The following PTGS2 variants were observed in gnomAD, a reference collection of about 807,000 sequenced individuals.
PTGS2 encodes prostaglandin-endoperoxide synthase 2, also known as prostaglandin G/H synthase 2.
A neutral mutation model predicts 63.8 loss-of-function variants in PTGS2; 14 were observed. The observed-to-expected ratio is 0.22, with a 90% CI of 0.14 to 0.34. The LOEUF is 0.34. Among genes scored for constraint, PTGS2 ranks in the 10% least tolerant of loss-of-function variants. The pLI, the probability that PTGS2 is intolerant of heterozygous loss-of-function variation, is 1.00. For missense variants in PTGS2, 533 were observed against 738.5 expected, an observed-to-expected ratio of 0.72 and a Z score of 3.23; for synonymous variants, 271 against 259.5, an observed-to-expected ratio of 1.04 and a Z score of -0.43.
chr1:186,678,426 AT>A (rs760881152), intron 3 of PTGS2, 22 bp from the exon 4 acceptor site: 2 of 1,572,578 alleles, frequency 1.3e-6, no homozygotes, highest in African/African-American at 1.4e-5. Flanking sequence ...AAAGAAAAAA[AT>A]GTTTTATTTA....
In PTGS2 at chr1:186,671,993, TTA is replaced by T. The variant is rs1665696530; in HGVS notation, c.*2358_*2359del. On this transcript the variant is annotated 3_prime_UTR_variant, in exon 10 of 10. Transcript: ENST00000367468. ...GTTAATAACAAATCAAGTTTTTTTT[TTA>T]AAAAAAACAGTGAACAGTGTTTTAT... 6.6e-6 allele frequency: 1 copy of T among 151,898 alleles called. No homozygotes were observed. The highest frequency in any genetic ancestry group is 2.1e-4 in the South Asian group (1 of 4,826). 9.4% of individuals were successfully genotyped at this position (151,898 alleles called of 1,614,324 possible). A position where few individuals can be genotyped will look rare whatever the true frequency, so the allele number is the denominator to read the frequency against.
intron 4 of PTGS2, 104 bp downstream of exon 4, chr1:186,678,157 C>T (rs895657648): frequency 1.6e-6 from 2 of 1,227,108 alleles, no homozygotes; most frequent in Non-Finnish European, 2.2e-6. Flanking sequence ...GTAAAAACTG[C>T]TTTTGTTAAT....
intron 1 of PTGS2, 110 bp downstream of exon 1, chr1:186,680,129 C>T (rs1045995968): frequency 5.4e-6 from 8 of 1,484,700 alleles, no homozygotes; most frequent in African/African-American, 2.8e-5. Context: ...CACGTAGCTT[C>T]TCTATTCGGA....
chr1:186,674,805 T>C, intron 9 of PTGS2, 43 bp from the exon 10 acceptor site: 1 of 1,530,614 alleles, frequency 6.5e-7, no homozygotes, highest in Non-Finnish European at 8.8e-7. Flanking sequence ...ATGTCAAACT[T>C]CACAAAATAA....
Position 186,679,365 on chromosome 1 carries a change from G to A in PTGS2, c.126C>T (p.Cys42=), listed in dbSNP as rs200215667. Reference sequence around the variant, plus strand: ...CATAGAATCCTGTCCGGGTACAATCGCACTTATACTGGTCAAATCCCACAC... The same window carrying A: ...CATAGAATCCTGTCCGGGTACAATCACACTTATACTGGTCAAATCCCACAC... ...CMSVGFDQYK[C]DCTRTGFYGE... The change falls in exon 2 of 10, where the codon TGC becomes TGT. Residue 42 remains cysteine (C), a synonymous_variant. Coordinates refer to ENST00000367468, the MANE Select transcript of PTGS2 (RefSeq NM_000963.4). 4.9e-5 allele frequency: 79 copies of A among 1,613,954 alleles called. No individual in the cohort carries two copies. The highest frequency in any genetic ancestry group is 3.2e-4 in the South Asian group (29 of 91,080).
intron 9 of PTGS2, among the ~76,000 whole-genome samples, chr1:186,674,994 C>T (rs1665754556): frequency 6.6e-6 from 1 of 152,120 alleles, no homozygotes. Flanking sequence ...CTGGCTAACA[C>T]GGTGAAACCC....
At position 186,679,131 on chromosome 1, in the gene PTGS2, G is replaced by T; in HGVS notation, c.240C>A (p.His80Gln). The change falls in exon 3 of 10, where the codon CAC (histidine) becomes CAA (glutamine). Residue 80 changes from histidine (H) to glutamine (Q), a missense_variant. Physicochemically the swap from His to Gln is conservative, Grantham distance 24 (BLOSUM62 0). Around this residue, in one of 5 missense-constraint regions of PTGS2, gnomAD observed 118 missense variants for 144.6 expected, o/e 0.82. Coordinates refer to ENST00000367468, the MANE Select transcript of PTGS2 (RefSeq NM_000963.4). ...TPNTVHYILT[H>Q]FKGFWNVVNN... ...TCACAACGTTCCAAAATCCCTTGAA[G>T]TGGGTAAGTATGTAGTGCACTGTGT... 1.2e-6 allele frequency: 2 copies of T among 1,614,134 alleles called. No individual in the cohort carries two copies. Among genetic ancestry groups the T allele is most frequent in the Non-Finnish European group, 1.7e-6 (2 of 1,179,996 alleles).
chr1:186,675,805 TC>T, intron 8 of PTGS2, 92 bp downstream of exon 8: 1 of 1,257,830 alleles, frequency 8.0e-7, no homozygotes, highest in Non-Finnish European at 1.1e-6. Context: ...AACTAACTAC[TC>T]TTTTAGTAAG....
chr1:186,679,035 C>T lies in PTGS2; in HGVS notation c.313+23G>A, dbSNP rs201529345. The T allele has an allele frequency of 3.7e-6, 6 of 1,602,412 alleles. No individual in the cohort carries two copies. In the Admixed American group the frequency reaches 5.2e-5, roughly 14 times the overall value. The stretch of plus-strand genomic sequence containing the variant: ...ATTTTTCTTTGAGAAGGCTAAAAAC[C>T]TTAGAAAGACACTTGTACTTACATG... On this transcript the variant is annotated intron_variant, in intron 3 of 9. Coordinates refer to ENST00000367468, the MANE Select transcript of PTGS2 (RefSeq NM_000963.4).
In PTGS2 at chr1:186,674,284, T is replaced by A; in HGVS notation, c.*69A>T. On this transcript the variant is annotated 3_prime_UTR_variant, in exon 10 of 10. Coordinates refer to ENST00000367468, the MANE Select transcript of PTGS2 (RefSeq NM_000963.4). ...GTTAAGTAACATAAGGAGTTTAATA[T>A]AAATATTATTAAATAATTAAATTAA... 1 of 988,114 alleles carries A rather than the reference T, an allele frequency of 1.0e-6. No individual in the cohort carries two copies. Among genetic ancestry groups the A allele is most frequent in the Non-Finnish European group, 1.3e-6 (1 of 752,446 alleles). The allele number at this position is 988,114 out of a possible 1,614,324, so 61.2% of individuals were successfully genotyped here.
intron 2 of PTGS2, 21 bp downstream of exon 2, chr1:186,679,301 G>A: frequency 1.9e-6 from 3 of 1,613,550 alleles, no homozygotes; most frequent in Admixed American, 1.7e-5. Flanking sequence ...TCCTAATGAG[G>A]CAACCAAAGG....
rs1417541080 is a variant in PTGS2, at chr1:186,673,066, CTG to C, written c.*1285_*1286del. 1.3e-5 allele frequency: 2 copies of C among 152,050 alleles called. No individual in the cohort carries two copies. The highest frequency in any genetic ancestry group is 1.3e-4 in the Admixed American group (2 of 15,260). 9.4% of individuals were successfully genotyped at this position (152,050 alleles called of 1,614,324 possible). On this transcript the variant is annotated 3_prime_UTR_variant, in exon 10 of 10. Transcript: ENST00000367468. ...TAGGAGAAACGAAGTGATGAGAAGACTGTGTCTCTTAGCAAAATGGCTAAAAG... is the reference window on the plus strand; with the variant it reads ...TAGGAGAAACGAAGTGATGAGAAGACTGTCTCTTAGCAAAATGGCTAAAAG...
intron 8 of PTGS2, 178 bp from the exon 9 acceptor site, chr1:186,675,574 AC>A: frequency 1.4e-6 from 1 of 739,820 alleles, no homozygotes; most frequent in Non-Finnish European, 2.1e-6. Flanking sequence ...TCAATGGGAC[AC>A]CAGCCTAGAA....
intron 7 of PTGS2, 83 bp downstream of exon 7, chr1:186,676,384 G>A (rs1665781395): frequency 6.5e-7 from 1 of 1,530,076 alleles, no homozygotes; most frequent in Non-Finnish European, 8.9e-7. Context: ...ACCACATCTT[G>A]TCATTTACTC....
In PTGS2 at chr1:186,675,930, C is replaced by A; in HGVS notation, c.1225G>T (p.Val409Phe). The change falls in exon 8 of 10, where the codon GTT becomes TTT. Residue 409 changes from valine to phenylalanine, a missense_variant. Transcript: ENST00000367468. ...GCAATTTGCCTGGTGAATGATTCAA[C>A]AAACTGGGTAATTCCATGTTCCAGC... ...ILLEHGITQFVESFTRQIAGR... is the reference protein window; with the variant it reads ...ILLEHGITQFFESFTRQIAGR... The A allele has an allele frequency of 6.2e-7, 1 of 1,612,920 alleles. No homozygotes were observed. The highest frequency in any genetic ancestry group is 8.5e-7 in the Non-Finnish European group (1 of 1,179,178).
intron 1 of PTGS2, among the ~76,000 whole-genome samples, chr1:186,679,749 A>C (rs910397728): frequency 6.6e-5 from 10 of 152,326 alleles, no homozygotes; most frequent in Non-Finnish European, 1.5e-4. Context: ...TTTCCAAATT[A>C]AAATGGATCT....
intron 3 of PTGS2, 108 bp from the exon 4 acceptor site, chr1:186,678,512 C>A: frequency 9.6e-7 from 1 of 1,039,754 alleles, no homozygotes; most frequent in Non-Finnish European, 1.3e-6. Flanking sequence ...TTGAATGTAA[C>A]TCCAAAATAA....
rs1009145607 is a variant in PTGS2, at chr1:186,679,465, C to A, written c.53-27G>T. 5 of 1,475,868 alleles carry A rather than the reference C, an allele frequency of 3.4e-6. No homozygotes were observed. The South Asian group carries it at 5.7e-5, about 17-fold the overall frequency. 91.4% of individuals were successfully genotyped at this position (1,475,868 alleles called of 1,614,324 possible). On this transcript the variant is annotated intron_variant, in intron 1 of 9. Transcript: ENST00000367468. ...TGCAATTAAAGGACAGCAAATAAAT[C>A]ATTCTCTAGTGTCTTAATCTTAATT...
Position 186,680,236 on chromosome 1 carries a change from C to A in PTGS2, c.52+3G>T, listed in dbSNP as rs201807501. On this transcript the variant is annotated splice_donor_region_variant and intron_variant, in intron 1 of 9. Transcript: ENST00000367468. ...TCCCCGGTGCGCGGCGCCAGGTACT[C>A]ACCTGTATGGCTGAGCGCCAGGACC... 2.5e-5 allele frequency: 39 copies of A among 1,549,402 alleles called. No homozygotes were observed. The highest frequency in any genetic ancestry group is 1.4e-4 in the South Asian group (12 of 83,958).
Sources: gnomAD v4.1 joint callset for allele counts (sites outside exome capture counted in the v4.1 genomes callset) on GRCh38, gnomAD v4.1.1 for gene constraint, gnomAD v4.1.1 regional missense constraint, MANE v1.5 for transcripts, NCBI Gene and HGNC (gene_info 2026-07-23, HGNC 2026-07-21) for gene names.